The following MYCBP2 variants were observed in gnomAD, a reference collection of about 807,000 sequenced individuals.
MYCBP2 encodes the protein MYC binding protein 2.
In MYCBP2, 120 loss-of-function variants were observed where a neutral mutation model predicts 525.3. That is an observed-to-expected ratio of 0.23 (90% CI 0.20 to 0.27). The LOEUF (loss-of-function observed/expected upper bound fraction) is 0.27. Among genes scored for constraint, MYCBP2 ranks in the 10% least tolerant of loss-of-function variants. The pLI is 1.00. For synonymous variants in MYCBP2, 1,894 were observed against 1,955.8 expected, an observed-to-expected ratio of 0.97 and a Z score of 0.83; for missense variants, 4,149 against 5,657.1, an observed-to-expected ratio of 0.73 and a Z score of 8.55.
At chr13:77,256,743 G>A (rs950007636) in intron 14 of MYCBP2, among the ~76,000 whole-genome samples, 1 of 152,084 alleles carries the variant, frequency 6.6e-6, no homozygotes, top group Non-Finnish European at 1.5e-5. Context: ...ATGTTGGAGA[G>A]GATGTGGAGA....
chr13:77,148,377 CAA>C (rs938927607), intron 47 of MYCBP2, among the ~76,000 whole-genome samples: 9 of 151,868 alleles, frequency 5.9e-5, no homozygotes, highest in African/African-American at 2.2e-4. Flanking sequence ...CCACTCACAC[CAA>C]AAGTCACAGA....
At chr13:77,190,395 T>A in intron 28 of MYCBP2, 60 bp from the exon 29 acceptor site, 1 of 990,640 alleles carries the variant, frequency 1.0e-6, no homozygotes, top group Non-Finnish European at 1.5e-6. Context: ...ATAAGAAATT[T>A]AAGAAACATG....
At chr13:77,192,571 C>T (rs1234722922) in intron 27 of MYCBP2, among the ~76,000 whole-genome samples, 3 of 151,994 alleles carry the variant, frequency 2.0e-5, no homozygotes, top group Non-Finnish European at 2.9e-5. Context: ...AGGAGAATGT[C>T]ATGAAAAAAT....
chr13:77,306,145 A>ATTTT (rs2079389481), intron 1 of MYCBP2, among the ~76,000 whole-genome samples: 2 of 152,220 alleles, frequency 1.3e-5, no homozygotes, highest in African/African-American at 4.8e-5. Flanking sequence ...TCCACAAATA[A>ATTTT]AGAATTAACA....
rs1188195203 is a variant in MYCBP2 at position 77,081,632 on chromosome 13, C to T, written c.11213G>A (p.Cys3738Tyr). ...AMSQELCIVMCLKDLTSIVDI... is the reference protein window; with the variant it reads ...AMSQELCIVMYLKDLTSIVDI... ...AACAATGCTGGTTAAGTCCTTTAAG[C>T]ACATTACTATGCATAATTCCTATCA... The change falls in exon 65 of 83, where the codon TGC (cysteine) becomes TAC (tyrosine). Residue 3738 changes from cysteine to tyrosine, a missense_variant. Physicochemically the swap from Cys to Tyr is radical, Grantham distance 194. Around this residue, in one of 21 missense-constraint regions of MYCBP2, gnomAD observed 509 missense variants for 789.4 expected, o/e 0.64. Coordinates refer to ENST00000544440, the MANE Select transcript of MYCBP2 (RefSeq NM_015057.5). This position sits in a 1 kb window ranked among gnomAD's most constrained non-coding sequence, Gnocchi z 4.6. 1.2e-6 allele frequency: 2 copies of T among 1,612,636 alleles called. No individual in the cohort carries two copies. Among genetic ancestry groups the T allele is most frequent in the South Asian group, 2.2e-5 (2 of 90,916 alleles).
At chr13:77,144,654 T>C in intron 48 of MYCBP2, 94 bp from the exon 49 acceptor site, 2 of 842,382 alleles carry the variant, frequency 2.4e-6, no homozygotes, top group Non-Finnish European at 4.1e-6. Context: ...TTTGTTTGCA[T>C]ACCTCCTGGC....
chr13:77,300,525 G>A (rs2078669848), intron 1 of MYCBP2, among the ~76,000 whole-genome samples: 1 of 152,066 alleles, frequency 6.6e-6, no homozygotes, highest in South Asian at 2.1e-4. Flanking sequence ...ATAAAAACAA[G>A]AATTGGGCCT....
At chr13:77,125,215 G>T in intron 54 of MYCBP2, 121 bp downstream of exon 54, 1 of 1,260,040 alleles carries the variant, frequency 7.9e-7, no homozygotes, top group Admixed American at 2.3e-5. Context: ...TTAACTTTTA[G>T]TTTTGCTTGT....
At chr13:77,294,005 G>A (rs1274923381) in intron 2 of MYCBP2, among the ~76,000 whole-genome samples, 1 of 149,416 alleles carries the variant, frequency 6.7e-6, no homozygotes, top group African/African-American at 2.5e-5. Context: ...AAGAAAGACT[G>A]GTATCTAACC....
At chr13:77,102,176 C>A (rs1594552312) in intron 55 of MYCBP2, among the ~76,000 whole-genome samples, 1 of 151,726 alleles carries the variant, frequency 6.6e-6, no homozygotes, top group South Asian at 2.1e-4. Context: ...CATACTATAT[C>A]ATAATACTAT....
At chr13:77,263,881 G>A (rs2073694014) in intron 9 of MYCBP2, 48 bp downstream of exon 9, 2 of 1,606,292 alleles carry the variant, frequency 1.2e-6, no homozygotes, top group East Asian at 2.2e-5. Flanking sequence ...ATAATTTAAG[G>A]AAAAGGAATT....
chr13:77,049,346 T>A (rs1290719037), intron 82 of MYCBP2, among the ~76,000 whole-genome samples: 1 of 152,196 alleles, frequency 6.6e-6, no homozygotes, highest in Admixed American at 6.5e-5. Flanking sequence ...TTATTTGACA[T>A]GAGCAAATGG....
At chr13:77,322,300 C>T (rs187628429) in intron 1 of MYCBP2, among the ~76,000 whole-genome samples, 230 of 152,184 alleles carry the variant, frequency 1.5e-3, no homozygotes, top group African/African-American at 5.3e-3. Flanking sequence ...GTTTAGATTC[C>T]CCATTTTGGT....
At chr13:77,170,584 T>C (rs1444872294) in intron 38 of MYCBP2, among the ~76,000 whole-genome samples, 1 of 151,612 alleles carries the variant, frequency 6.6e-6, no homozygotes, top group Non-Finnish European at 1.5e-5. Context: ...TAACTTTTTT[T>C]TTTTTTTTTT....
intron 17 of MYCBP2, among the ~76,000 whole-genome samples, chr13:77,233,626 T>C (rs554647430): frequency 2.8e-4 from 43 of 152,202 alleles, no homozygotes; most frequent in Non-Finnish European, 5.0e-4. Context: ...CAGTAAACCA[T>C]GTATTCGTTG....
In MYCBP2 at chr13:77,221,647, T is replaced by C. The variant is rs151251370; in HGVS notation, c.2939+2804A>G. On this transcript the variant is annotated intron_variant, in intron 20 of 82. Coordinates refer to ENST00000544440, the MANE Select transcript of MYCBP2 (RefSeq NM_015057.5). ...CCATCTTATCTAACTGCAATGCACC[T>C]TTCCCAGTTTCTATGGCTCACAAAA... Among the ~76,000 whole-genome samples, 156 of 152,296 alleles carry C rather than the reference T, an allele frequency of 1.0e-3. 1 individual carries two copies. Among genetic ancestry groups the C allele is most frequent in the Middle Eastern group, 3.4e-3 (1 of 294 alleles).
chr13:77,068,925 T>C, intron 69 of MYCBP2, 94 bp from the exon 70 acceptor site: 1 of 1,210,350 alleles, frequency 8.3e-7, no homozygotes, highest in South Asian at 1.4e-5. Context: ...AAGACAAGAA[T>C]GTAAATTGAT....
chr13:77,267,793 C>T (rs552076846), intron 8 of MYCBP2, 48 bp downstream of exon 8: 2 of 1,378,082 alleles, frequency 1.5e-6, no homozygotes, highest in African/African-American at 2.8e-5. Context: ...TTAACATGCA[C>T]ATTTCTTAAA....
chr13:77,233,856 C>CT (rs2067480568), intron 17 of MYCBP2, among the ~76,000 whole-genome samples: 2 of 149,072 alleles, frequency 1.3e-5, no homozygotes, highest in East Asian at 4.1e-4. Flanking sequence ...TATATGTATA[C>CT]ACACAGAGAG....
Sources: allele counts gnomAD v4.1 joint callset (sites outside exome capture counted in the v4.1 genomes callset), GRCh38; gene constraint gnomAD v4.1.1; regional missense constraint gnomAD v4.1.1; non-coding constraint Gnocchi (gnomAD v3.1); transcripts MANE v1.5; gene names NCBI Gene and HGNC (gene_info 2026-07-23, HGNC 2026-07-21).